Variants in DYNC2H1 observed in about 807,000 individuals in gnomAD.
DYNC2H1 encodes dynein cytoplasmic 2 heavy chain 1, also known as cytoplasmic dynein 2 heavy chain 1.
DYNC2H1 carries 410 observed loss-of-function variants against 570.0 expected under a neutral mutation model. The ratio of observed to expected loss-of-function variants is 0.72; its 90% CI spans 0.66 to 0.78. The LOEUF is 0.78. Among genes scored for constraint, DYNC2H1 ranks in the 30% least tolerant of loss-of-function variants. The pLI, the probability that DYNC2H1 is intolerant of heterozygous loss-of-function variation, is 0.00. For synonymous variants in DYNC2H1, 1,688 were observed against 1,677.6 expected, an observed-to-expected ratio of 1.01 and a Z score of -0.15; for missense variants, 4,865 against 5,046.4, an observed-to-expected ratio of 0.96 and a Z score of 1.09.
In DYNC2H1 at chr11:103,219,897, A is replaced by T; in HGVS notation, c.8833-18A>T. The T allele has an allele frequency of 7.2e-7, 1 of 1,386,888 alleles. No homozygotes were observed. The highest frequency in any genetic ancestry group is 1.5e-5 in the African/African-American group (1 of 66,346). The allele number at this position is 1,386,888 out of a possible 1,614,324, so 85.9% of individuals were successfully genotyped here. A position where few individuals can be genotyped will look rare whatever the true frequency, so the allele number is the denominator to read the frequency against. Reference sequence around the variant, plus strand: ...AAGCATTAAAATTGATTGGAATGCCACTTAAATATTCTTATAGGATGCTAG... The same window carrying T: ...AAGCATTAAAATTGATTGGAATGCCTCTTAAATATTCTTATAGGATGCTAG... On this transcript the variant is annotated intron_variant, in intron 55 of 88. Coordinates refer to ENST00000375735, the MANE Select transcript of DYNC2H1 (RefSeq NM_001377.3).
At chr11:103,352,859 T>C (rs886680300) in intron 82 of DYNC2H1, among the ~76,000 whole-genome samples, 1 of 152,220 alleles carries the variant, frequency 6.6e-6, no homozygotes, top group Admixed American at 6.5e-5. Flanking sequence ...ATATATTTAC[T>C]GTAGCACTAT....
At chr11:103,233,907 G>T in intron 60 of DYNC2H1, 127 bp from the exon 61 acceptor site, 2 of 659,964 alleles carry the variant, frequency 3.0e-6, no homozygotes, top group Non-Finnish European at 2.4e-6. Context: ...ATGATACTTT[G>T]TATGCAAACA....
rs1156702904 is a variant in DYNC2H1, at chr11:103,243,062, C to T, written c.9820-631C>T. Among the ~76,000 whole-genome samples the T allele has an allele frequency of 3.3e-5, 5 of 151,964 alleles. No individual in the cohort carries two copies. The highest frequency in any genetic ancestry group is 1.3e-4 in the Admixed American group (2 of 15,242). Reference sequence around the variant, plus strand: ...TCTATAATGAATTTAGTTTTTAGTTCATTTCATTAGATCTTAACCTACAGC... The same window carrying T: ...TCTATAATGAATTTAGTTTTTAGTTTATTTCATTAGATCTTAACCTACAGC... On this transcript the variant is annotated intron_variant, in intron 63 of 88. Transcript: ENST00000375735. This position sits in a 1 kb window ranked among gnomAD's most constrained non-coding sequence, Gnocchi z 4.8.
chr11:103,414,865 G>T (rs1442883413), intron 84 of DYNC2H1, among the ~76,000 whole-genome samples: 1 of 152,110 alleles, frequency 6.6e-6, no homozygotes, highest in African/African-American at 2.4e-5. Context: ...TAAAACCACT[G>T]CTCAAGGAAA....
chr11:103,208,628 C>A (rs1364250456), intron 52 of DYNC2H1, among the ~76,000 whole-genome samples: 1 of 151,984 alleles, frequency 6.6e-6, no homozygotes, highest in Non-Finnish European at 1.5e-5. Context: ...AGTGCCATAA[C>A]TTTGAATTTT....
At position 103,170,148 on chromosome 11, in the gene DYNC2H1, A is replaced by G; in HGVS notation, c.5009A>G (p.Lys1670Arg). ...CTGGTTTATACTCCACTGACAGACA[A>G]GTGCTACTTAACTCTCACTCAAGCC... ...SKLVYTPLTDKCYLTLTQAMK... is the reference protein window; with the variant it reads ...SKLVYTPLTDRCYLTLTQAMK... The change falls in exon 33 of 89, where the codon AAG (lysine) becomes AGG (arginine). Residue 1670 changes from lysine to arginine, a missense_variant. Physicochemically the swap from Lys to Arg is conservative, Grantham distance 26 (BLOSUM62 2). This residue lies in a region of DYNC2H1 where 1,936 missense variants were observed against 1,962.1 expected (regional missense o/e 0.99). Transcript: ENST00000375735. The surrounding 1 kb of genome is among the most constrained non-coding windows in gnomAD (Gnocchi z 4.8). 6.2e-7 allele frequency: 1 copy of G among 1,613,088 alleles called. No homozygotes were observed. Among genetic ancestry groups the G allele is most frequent in the South Asian group, 1.1e-5 (1 of 90,974 alleles).
At chr11:103,238,109 T>A (rs1864291079) in intron 63 of DYNC2H1, among the ~76,000 whole-genome samples, 1 of 152,174 alleles carries the variant, frequency 6.6e-6, no homozygotes, top group Non-Finnish European at 1.5e-5. Context: ...AGTTGTAGTT[T>A]AAGGGTGTGA....
chr11:103,214,812 T>G (rs1863316078), intron 54 of DYNC2H1, among the ~76,000 whole-genome samples: 1 of 151,828 alleles, frequency 6.6e-6, no homozygotes, highest in South Asian at 2.1e-4. Context: ...TTTCCTATCT[T>G]TTTCAATTTC....
chr11:103,291,494 A>G (rs1365395234), intron 75 of DYNC2H1, among the ~76,000 whole-genome samples: 2 of 152,234 alleles, frequency 1.3e-5, no homozygotes, highest in East Asian at 3.9e-4. Context: ...TGGTAGTCTA[A>G]CTCCTTTAAG....
Position 103,303,235 on chromosome 11 carries a change from C to A in DYNC2H1, c.11238C>A (p.Ser3746Arg). 1 of 1,611,950 alleles carries A rather than the reference C, an allele frequency of 6.2e-7. No homozygotes were observed. Among genetic ancestry groups the A allele is most frequent in the South Asian group, 1.1e-5 (1 of 90,896 alleles). Reference protein sequence around the residue: ...ELQELANAERSGECYHQVAMG... With the variant: ...ELQELANAERRGECYHQVAMG... ...AAGAACTAGCTAATGCTGAAAGAAG[C>A]GGAGAGTGTTATCACCAGGTAAGTA... is the stretch of plus-strand genomic sequence containing the variant. Residue 3746 changes from serine (S) to arginine (R), a missense_variant, in exon 76 of 89, where the codon AGC (serine) becomes AGA (arginine). This residue lies in a region of DYNC2H1 where 2,401 missense variants were observed against 2,454.6 expected (regional missense o/e 0.98). Coordinates refer to ENST00000375735, the MANE Select transcript of DYNC2H1 (RefSeq NM_001377.3).
intron 84 of DYNC2H1, chr11:103,405,823 T>C (rs1942842854): frequency 6.6e-6 from 1 of 151,878 alleles, no homozygotes; most frequent in Non-Finnish European, 1.5e-5. Flanking sequence ...AAACAATCAA[T>C]GATTGATGAA....
At chr11:103,470,020 A>G (rs1166580763) in intron 88 of DYNC2H1, among the ~76,000 whole-genome samples, 1 of 152,190 alleles carries the variant, frequency 6.6e-6, no homozygotes, top group East Asian at 1.9e-4. Context: ...GAGGAAAAAA[A>G]AAAGTAGGGC....
rs201162989 is a variant in DYNC2H1, at chr11:103,163,112, C to A, written c.4576C>A (p.Gln1526Lys). Residue 1526 changes from glutamine (Q) to lysine (K), a missense_variant, in exon 30 of 89, where the codon CAA becomes AAA. Gln to Lys is a moderately conservative substitution (Grantham distance 53). This residue lies in a region of DYNC2H1 where 1,936 missense variants were observed against 1,962.1 expected (regional missense o/e 0.99). Transcript: ENST00000375735. This position sits in a 1 kb window ranked among gnomAD's most constrained non-coding sequence, Gnocchi z 4.6. ...KECVTTGRSS[Q>K]GAVDPSLFPS... ...ATGTGTTACTACTGGGCGAAGTTCT[C>A]AAGGTGCAGTTGACCCATCTCTGTT... 94 of 1,612,944 alleles carry A rather than the reference C, an allele frequency of 5.8e-5. No homozygotes were observed. In the African/African-American group the frequency reaches 1.1e-3, roughly 19 times the overall value.
intron 83 of DYNC2H1, among the ~76,000 whole-genome samples, chr11:103,392,719 AG>A (rs563142605): frequency 1.1e-3 from 167 of 152,202 alleles, no homozygotes; most frequent in Non-Finnish European, 2.0e-3. Flanking sequence ...TTTGATTTTT[AG>A]GGGGTATGGA....
chr11:103,297,232 A>AT (rs1369716802), intron 75 of DYNC2H1, among the ~76,000 whole-genome samples: 3 of 152,084 alleles, frequency 2.0e-5, no homozygotes, highest in African/African-American at 4.8e-5. Context: ...AGAACTTTTG[A>AT]TTTTTTTATA....
At chr11:103,166,705 C>T (rs1045340419) in intron 31 of DYNC2H1, among the ~76,000 whole-genome samples, 50 of 152,014 alleles carry the variant, frequency 3.3e-4, no homozygotes, top group African/African-American at 1.2e-3. Context: ...TGTTATTCTT[C>T]TATAAGTAAT....
At chr11:103,390,183 G>A (rs1446999011) in intron 83 of DYNC2H1, among the ~76,000 whole-genome samples, 1 of 152,172 alleles carries the variant, frequency 6.6e-6, no homozygotes, top group Non-Finnish European at 1.5e-5. Flanking sequence ...GGGTGCTGCT[G>A]TATTGGGTGC....
chr11:103,285,920 G>A (rs1452549830), intron 73 of DYNC2H1, among the ~76,000 whole-genome samples: 1 of 152,162 alleles, frequency 6.6e-6, no homozygotes, highest in Non-Finnish European at 1.5e-5. Context: ...TACTTAACTT[G>A]ACAATCCTTA....
intron 83 of DYNC2H1, among the ~76,000 whole-genome samples, chr11:103,367,543 T>C (rs34747522): frequency 1.3e-5 from 2 of 152,058 alleles, no homozygotes; most frequent in Non-Finnish European, 2.9e-5. Flanking sequence ...GTGATCAAAT[T>C]ACGGTATTTA....
Sources: allele counts gnomAD v4.1 joint callset (sites outside exome capture counted in the v4.1 genomes callset), GRCh38; gene constraint gnomAD v4.1.1; regional missense constraint gnomAD v4.1.1; non-coding constraint Gnocchi (gnomAD v3.1); transcripts MANE v1.5; gene names NCBI Gene and HGNC (gene_info 2026-07-23, HGNC 2026-07-21).